The following SOX5 variants were observed in gnomAD, a reference collection of about 807,000 sequenced individuals.
SOX5 encodes transcription factor SOX-5.
SOX5 carries 9 observed loss-of-function variants against 92.0 expected under a neutral mutation model. The ratio of observed to expected loss-of-function variants is 0.10; its 90% CI spans 0.06 to 0.17. The LOEUF is 0.17. Ranked by LOEUF, SOX5 falls within the 10% of genes least tolerant of loss-of-function variation. The probability of loss-of-function intolerance (pLI) is 1.00; values close to 1 mark genes in which losing one functional copy is unlikely to be tolerated. For missense variants in SOX5, 642 were observed against 944.5 expected, an observed-to-expected ratio of 0.68 and a Z score of 4.20; for synonymous variants, 344 against 336.3, an observed-to-expected ratio of 1.02 and a Z score of -0.25.
At chr12:23,745,914 G>A (rs1455935515) in intron 4 of SOX5, among the ~76,000 whole-genome samples, 1 of 152,052 alleles carries the variant, frequency 6.6e-6, no homozygotes, top group Non-Finnish European at 1.5e-5. Flanking sequence ...TACAGGTAAC[G>A]GTAAATAGCA....
chr12:23,583,767 G>A (rs181704519), intron 9 of SOX5, among the ~76,000 whole-genome samples: 7 of 152,038 alleles, frequency 4.6e-5, no homozygotes, highest in Non-Finnish European at 7.4e-5. Context: ...TTAAAGAGTT[G>A]ATCACTCCTT....
rs11836370 is a variant in SOX5, at chr12:23,755,810, G to A, written c.482-86C>T. ...TAAAAGTCTATCTGCTAAAAATAAG[G>A]CCATCCCTATCCCAGCCCCACTTCA... On this transcript the variant is annotated intron_variant, in intron 3 of 14. Coordinates refer to ENST00000451604, the MANE Select transcript of SOX5 (RefSeq NM_006940.6). 6.1e-3 allele frequency: 5,118 copies of A among 839,108 alleles called. 148 individuals are homozygous for A. The African/African-American group carries it at 0.075, about 12-fold the overall frequency. 52.0% of individuals were successfully genotyped at this position (839,108 alleles called of 1,614,324 possible).
intron 4 of SOX5, among the ~76,000 whole-genome samples, chr12:24,186,318 C>G (rs969087927): frequency 1.3e-5 from 2 of 152,048 alleles, no homozygotes; most frequent in African/African-American, 4.8e-5. Flanking sequence ...AGAACCTACA[C>G]GAATGCTGAG....
At chr12:24,493,644 C>T (rs758919893) in intron 1 of SOX5, among the ~76,000 whole-genome samples, 1 of 152,014 alleles carries the variant, frequency 6.6e-6, no homozygotes, top group Non-Finnish European at 1.5e-5. Context: ...GCAGGAGGAT[C>T]ACAAGGTCAG....
In SOX5 at chr12:23,915,240, T is replaced by A. The variant is rs556712052; in HGVS notation, c.39-19216A>T. On this transcript the variant is annotated intron_variant, in intron 1 of 14. Coordinates refer to ENST00000451604, the MANE Select transcript of SOX5 (RefSeq NM_006940.6). Reference sequence around the variant, plus strand: ...CATACTGAATAAATGCTATCTATTATTATTGCTGTTGTTCTTTGAAATTGA... The same window carrying A: ...CATACTGAATAAATGCTATCTATTAATATTGCTGTTGTTCTTTGAAATTGA... Among the ~76,000 whole-genome samples the A allele has an allele frequency of 7.2e-5, 11 of 152,280 alleles. No homozygotes were observed. In the South Asian group the frequency reaches 2.3e-3, roughly 32 times the overall value.
At chr12:24,176,267 T>G (rs1453904179) in intron 4 of SOX5, among the ~76,000 whole-genome samples, 1 of 151,938 alleles carries the variant, frequency 6.6e-6, no homozygotes, top group Non-Finnish European at 1.5e-5. Context: ...AAGTTCAGAC[T>G]GCAGTGAGCC....
intron 4 of SOX5, among the ~76,000 whole-genome samples, chr12:23,743,552 C>T (rs1211562461): frequency 1.3e-5 from 2 of 152,076 alleles, no homozygotes; most frequent in African/African-American, 2.4e-5. Context: ...CCTCGTGATC[C>T]TCCCGCCTCA....
chr12:24,266,758 C>T (rs74068479), intron 3 of SOX5, among the ~76,000 whole-genome samples: 3,189 of 152,200 alleles, frequency 0.021, 117 homozygotes, highest in African/African-American at 0.073. Flanking sequence ...TAGGTTGTTC[C>T]GCCTAATGTA....
intron 1 of SOX5, 45 bp from the exon 2 acceptor site, chr12:23,896,069 A>C: frequency 3.1e-6 from 4 of 1,298,084 alleles, no homozygotes; most frequent in Non-Finnish European, 3.3e-6. Flanking sequence ...CTCCACATAA[A>C]TCCTTAATGC....
chr12:23,540,361 TATAATAATA>T lies in SOX5; in HGVS notation c.1771+2841_1771+2849del, dbSNP rs5797023. Among the ~76,000 whole-genome samples, 901 of 142,790 alleles carry T rather than the reference TATAATAATA, an allele frequency of 6.3e-3. 8 individuals are homozygous for T. The highest frequency in any genetic ancestry group is 0.015 in the South Asian group (66 of 4,342). 93.7% of individuals were successfully genotyped at this position (142,790 alleles called of 152,430 possible). A position where few individuals can be genotyped will look rare whatever the true frequency, so the allele number is the denominator to read the frequency against. Reference sequence around the variant, plus strand: ...TGGACATGTACCCTAAAACTTAAAGTATAATAATAATAATAATAATAATAATAATAATAA... The same window carrying T: ...TGGACATGTACCCTAAAACTTAAAGTATAATAATAATAATAATAATAATAA... On this transcript the variant is annotated intron_variant, in intron 13 of 14. Coordinates refer to ENST00000451604, the MANE Select transcript of SOX5 (RefSeq NM_006940.6).
chr12:24,254,726 T>C (rs1940846528), intron 3 of SOX5, among the ~76,000 whole-genome samples: 1 of 151,594 alleles, frequency 6.6e-6, no homozygotes, highest in Non-Finnish European at 1.5e-5. Context: ...CAAATATATA[T>C]ATATATATAT....
chr12:24,396,740 A>G (rs1960106727), intron 1 of SOX5, among the ~76,000 whole-genome samples: 1 of 152,250 alleles, frequency 6.6e-6, no homozygotes. Flanking sequence ...AGCGTTAACT[A>G]TGTGTGTAGA....
In SOX5 at chr12:24,090,407, T is replaced by G. The variant is rs190645152; in HGVS notation, c.-2+122936A>C. Among the ~76,000 whole-genome samples, 10 of 152,108 alleles carry G rather than the reference T, an allele frequency of 6.6e-5. No individual in the cohort carries two copies. The East Asian group carries it at 1.9e-3, about 29-fold the overall frequency. On this transcript the variant is annotated intron_variant, in intron 4 of 4. Transcript: ENST00000446891. Reference sequence around the variant, plus strand: ...AATTATAAAGTGCTCTTTCTTACTGTTTGGTCAAAGACCACTGACTAAATC... The same window carrying G: ...AATTATAAAGTGCTCTTTCTTACTGGTTGGTCAAAGACCACTGACTAAATC...
At chr12:23,668,370 C>T (rs1013989284) in intron 6 of SOX5, among the ~76,000 whole-genome samples, 2 of 152,138 alleles carry the variant, frequency 1.3e-5, no homozygotes, top group Non-Finnish European at 2.9e-5. Context: ...TTCATAGCAA[C>T]TTTATAGACC....
At chr12:24,040,011 C>T (rs1236350573) in intron 4 of SOX5, among the ~76,000 whole-genome samples, 1 of 151,714 alleles carries the variant, frequency 6.6e-6, no homozygotes, top group Non-Finnish European at 1.5e-5. Flanking sequence ...AATTTAATTA[C>T]TTAAAATTAC....
At chr12:24,483,299 C>T (rs971115847) in intron 1 of SOX5, among the ~76,000 whole-genome samples, 3 of 152,128 alleles carry the variant, frequency 2.0e-5, no homozygotes, top group Non-Finnish European at 4.4e-5. Flanking sequence ...ACAGTGAAAA[C>T]GCCAGGTGAA....
At chr12:23,537,573 A>C (rs150439848) in intron 13 of SOX5, among the ~76,000 whole-genome samples, 1 of 152,336 alleles carries the variant, frequency 6.6e-6, no homozygotes, top group Non-Finnish European at 1.5e-5. Flanking sequence ...CAAAGACGTC[A>C]CTTCCCATGA....
intron 6 of SOX5, among the ~76,000 whole-genome samples, chr12:23,668,486 A>T (rs1216332098): frequency 1.3e-5 from 2 of 152,190 alleles, no homozygotes; most frequent in Admixed American, 6.6e-5. Context: ...AAAAGGACAC[A>T]CAATATCAAA....
chr12:24,316,377 G>A lies in SOX5; in HGVS notation c.-173-39065C>T, dbSNP rs114813325. Among the ~76,000 whole-genome samples, 1,213 of 152,222 alleles carry A rather than the reference G, an allele frequency of 8.0e-3. 15 individuals carry two copies. The highest frequency in any genetic ancestry group is 0.027 in the African/African-American group (1,138 of 41,540). On this transcript the variant is annotated intron_variant, in intron 2 of 4. Coordinates refer to the SOX5 transcript ENST00000446891. Reference sequence around the variant, plus strand: ...CTAAATGAAATGCATACCATCATTTGCCTCTTTCTGACATTCAGCAACAGA... The same window carrying A: ...CTAAATGAAATGCATACCATCATTTACCTCTTTCTGACATTCAGCAACAGA...
Sources: allele counts gnomAD v4.1 joint callset (sites outside exome capture counted in the v4.1 genomes callset), GRCh38; gene constraint gnomAD v4.1.1; transcripts MANE v1.5; gene names NCBI Gene and HGNC (gene_info 2026-07-23, HGNC 2026-07-21).